Variants in SLC43A3 observed in about 807,000 individuals in gnomAD.
SLC43A3 encodes solute carrier family 43 member 3.
In SLC43A3, 33 loss-of-function variants were observed where a neutral mutation model predicts 53.3. That is an observed-to-expected ratio of 0.62 (90% confidence interval 0.47 to 0.83). The LOEUF is 0.83. Among genes scored for constraint, SLC43A3 ranks in the 40% least tolerant of loss-of-function variants. The probability of loss-of-function intolerance (pLI) is 0.00; values close to 1 mark genes in which losing one functional copy is unlikely to be tolerated. For missense variants in SLC43A3, 530 were observed against 610.0 expected (o/e 0.87, Z 1.38); for synonymous variants, 236 against 246.2 (o/e 0.96, Z 0.39).
chr11:57,425,461 C>A, intron 4 of SLC43A3, 80 bp downstream of exon 4: 1 of 1,507,258 alleles, frequency 6.6e-7, no homozygotes, highest in Non-Finnish European at 9.1e-7. Context: ...CTGTCTGACT[C>A]TGGATTTCAC....
intron 9 of SLC43A3, 118 bp downstream of exon 9, chr11:57,416,455 T>G (rs756185626): frequency 2.7e-6 from 2 of 734,148 alleles, no homozygotes; most frequent in Non-Finnish European, 4.7e-6. Flanking sequence ...AAGGCCCTTT[T>G]TCTGTCCTGC....
At chr11:57,421,936 C>T (rs1943005157) in intron 5 of SLC43A3, among the ~76,000 whole-genome samples, 1 of 152,248 alleles carries the variant, frequency 6.6e-6, no homozygotes, top group Non-Finnish European at 1.5e-5. Context: ...GTGCTTGGCA[C>T]TGGAAATGCA....
intron 5 of SLC43A3, among the ~76,000 whole-genome samples, chr11:57,423,385 T>C (rs1237702594): frequency 6.6e-6 from 1 of 152,142 alleles, no homozygotes; most frequent in East Asian, 1.9e-4. Context: ...TTTTAACACA[T>C]AGGAGAAGGA....
At chr11:57,426,390 C>T (rs536719224) in intron 2 of SLC43A3, 38 bp from the exon 3 acceptor site, 49 of 570,036 alleles carry the variant, frequency 8.6e-5, no homozygotes, top group African/African-American at 8.4e-4. Context: ...AAGAGGAGGC[C>T]TGCGGGAAAG....
intron 10 of SLC43A3, 62 bp downstream of exon 10, chr11:57,414,871 G>C (rs767668726): frequency 4.4e-6 from 7 of 1,589,438 alleles, no homozygotes; most frequent in Non-Finnish European, 6.0e-6. Context: ...CAGCCCTGCT[G>C]GGAGGCTCTG....
At position 57,418,100 on chromosome 11, in the gene SLC43A3, G is replaced by T. The variant is rs532239305; in HGVS notation, c.532-213C>A. Among the ~76,000 whole-genome samples, 8 of 152,286 alleles carry T rather than the reference G, an allele frequency of 5.3e-5. No individual in the cohort carries two copies. In the South Asian group the frequency reaches 6.2e-4, roughly 12 times the overall value. ...ACCTACAATCCCAGCACTTTGGGAC[G>T]CACGAGGATCACCTGAGCCCAGTTC... On this transcript the variant is annotated intron_variant, in intron 7 of 13. Transcript: ENST00000395124.
intron 5 of SLC43A3, among the ~76,000 whole-genome samples, chr11:57,421,587 A>T (rs1942990965): frequency 6.6e-6 from 1 of 152,052 alleles, no homozygotes; most frequent in Non-Finnish European, 1.5e-5. Context: ...CTTCTTCCCA[A>T]CCAAAGTTGG....
chr11:57,417,536 C>T (rs1054999355), intron 8 of SLC43A3, among the ~76,000 whole-genome samples: 3 of 152,204 alleles, frequency 2.0e-5, no homozygotes, highest in African/African-American at 7.2e-5. Flanking sequence ...CCCTGATCAG[C>T]GGAACTAGCC....
rs988460971 is a variant in SLC43A3 at position 57,415,096 on chromosome 11, C to T, written c.780G>A (p.Gly260=). 1.9e-6 allele frequency: 3 copies of T among 1,609,746 alleles called. No individual in the cohort carries two copies. Among genetic ancestry groups the T allele is most frequent in the Non-Finnish European group, 2.5e-6 (3 of 1,177,808 alleles). Residue 260 remains glycine, a synonymous_variant, in exon 10 of 14, where the codon GGG becomes GGA. Coordinates refer to ENST00000395124, the MANE Select transcript of SLC43A3 (RefSeq NM_199329.3). ...EFLSAKEETP[G]AGQKQELRSF... is the part of the protein sequence containing the mutation. ...AGCGGAGTTCCTGCTTCTGCCCTGC[C>T]CCTGGGGTCTCTAATGGGGAGAGGA...
intron 9 of SLC43A3, chr11:57,415,485 C>T (rs1942678039): frequency 2.8e-6 from 3 of 1,078,330 alleles, no homozygotes; most frequent in African/African-American, 1.6e-5. Flanking sequence ...TCTGTTCTAA[C>T]CTGCTCCTCA....
intron 5 of SLC43A3, among the ~76,000 whole-genome samples, chr11:57,423,286 A>G (rs916954254): frequency 2.6e-5 from 4 of 152,226 alleles, no homozygotes; most frequent in African/African-American, 7.2e-5. Context: ...TTTGAGTACA[A>G]TAGGGTTGTC....
In SLC43A3 at chr11:57,427,084, C is replaced by G. The variant is rs995033430; in HGVS notation, c.-268G>C. 1.3e-5 allele frequency: 2 copies of G among 150,362 alleles called. No individual in the cohort carries two copies. Among genetic ancestry groups the G allele is most frequent in the Admixed American group, 1.3e-4 (2 of 15,258 alleles). 9.3% of individuals were successfully genotyped at this position (150,362 alleles called of 1,614,324 possible). ...TACCCGCCTGCTCCGCGCCGGGGCT[C>G]TCCGCGCCCTTTCCGCACGGGCCAG... On this transcript the variant is annotated 5_prime_UTR_variant, in exon 1 of 14. Coordinates refer to ENST00000395124, the MANE Select transcript of SLC43A3 (RefSeq NM_199329.3).
chr11:57,415,235 C>A (rs143056589), intron 9 of SLC43A3, 129 bp from the exon 10 acceptor site: 2 of 1,540,152 alleles, frequency 1.3e-6, no homozygotes, highest in Admixed American at 2.0e-5. Flanking sequence ...CAGAACTCAC[C>A]CGGCGTGCTC....
Position 57,426,230 on chromosome 11 carries a change from C to G in SLC43A3, c.-58G>C. On this transcript the variant is annotated 5_prime_UTR_variant, in exon 3 of 14. Transcript: ENST00000395124. ...TTTGTCCTCCTGGACGGATCACAGG[C>G]GCCGTAAGCCTGGCGTTTGAGCACT... 5 of 1,538,332 alleles carry G rather than the reference C, an allele frequency of 3.3e-6. No homozygotes were observed. Among genetic ancestry groups the G allele is most frequent in the Non-Finnish European group, 4.4e-6 (5 of 1,125,476 alleles).
At position 57,409,978 on chromosome 11, in the gene SLC43A3, G is replaced by A. The variant is rs150725321; in HGVS notation, c.1204C>T (p.Arg402Cys). Residue 402 changes from arginine (R) to cysteine (C), a missense_variant, in exon 12 of 14, where the codon CGC becomes TGC. Arg to Cys is a radical substitution (Grantham distance 180, BLOSUM62 -3). This residue lies in a region of SLC43A3 where 124 missense variants were observed against 166.4 expected (regional missense o/e 0.75). Transcript: ENST00000395124. ...GCGTTGCTCCCATAGAGGAAGGAGCGGCTGATCACTTGCAGGATGAAGGTG... is the reference window on the plus strand; with the variant it reads ...GCGTTGCTCCCATAGAGGAAGGAGCAGCTGATCACTTGCAGGATGAAGGTG... ...YLTFILQVIS[R>C]SFLYGSNAAF... 21 of 1,613,180 alleles carry A rather than the reference G, an allele frequency of 1.3e-5. No homozygotes were observed. The highest frequency in any genetic ancestry group is 2.7e-5 in the African/African-American group (2 of 74,944).
At chr11:57,422,476 T>C (rs751063576) in intron 5 of SLC43A3, among the ~76,000 whole-genome samples, 17 of 152,114 alleles carry the variant, frequency 1.1e-4, no homozygotes, top group Non-Finnish European at 2.1e-4. Context: ...GTTAGTGTAG[T>C]TCACGTAGTA....
Position 57,425,543 on chromosome 11 carries a change from G to A in SLC43A3, c.312C>T (p.Ala104=). The A allele has an allele frequency of 6.2e-7, 1 of 1,613,294 alleles. No homozygotes were observed. Among genetic ancestry groups the A allele is most frequent in the Non-Finnish European group, 8.5e-7 (1 of 1,179,568 alleles). The part of the protein sequence containing the change: ...RFKTTVARLI[A]IFFYTTATLI... The stretch of plus-strand genomic sequence containing the variant: ...CTGGGCTGGCCTTTGGGACTTACAT[G>A]GCTATGAGGCGTGCCACGGTGGTCT... Residue 104 remains alanine, a splice_region_variant and synonymous_variant, in exon 4 of 14, where the codon GCC becomes GCT. Coordinates refer to ENST00000395124, the MANE Select transcript of SLC43A3 (RefSeq NM_199329.3).
intron 13 of SLC43A3, chr11:57,408,240 C>A: frequency 4.8e-6 from 1 of 208,170 alleles, no homozygotes; most frequent in Non-Finnish European, 9.8e-6. Context: ...CCTGATGTCA[C>A]AATCAAGTCA....
chr11:57,407,079 A>G lies in SLC43A3; in HGVS notation c.*713T>C, dbSNP rs1477882652. 6.6e-6 allele frequency: 1 copy of G among 152,244 alleles called. No individual in the cohort carries two copies. The highest frequency in any genetic ancestry group is 1.5e-5 in the Non-Finnish European group (1 of 68,046). 9.4% of individuals were successfully genotyped at this position (152,244 alleles called of 1,614,324 possible). ...CATCCCCAAAGATAGTCTGTCAGAA[A>G]TCCTTCGGTCAAGCAGGTCAGCTGG... On this transcript the variant is annotated 3_prime_UTR_variant, in exon 14 of 14. Coordinates refer to ENST00000395124, the MANE Select transcript of SLC43A3 (RefSeq NM_199329.3).
Sources: gnomAD v4.1 joint callset for allele counts (sites outside exome capture counted in the v4.1 genomes callset) on GRCh38, gnomAD v4.1.1 for gene constraint, gnomAD v4.1.1 regional missense constraint, MANE v1.5 for transcripts, NCBI Gene and HGNC (gene_info 2026-07-23, HGNC 2026-07-21) for gene names.